The following FHOD3 variants were observed in gnomAD, a reference collection of about 807,000 sequenced individuals.
FHOD3 encodes FH1/FH2 domain-containing protein 3.
In FHOD3, 90 loss-of-function variants were observed where a neutral mutation model predicts 173.0. The ratio of observed to expected loss-of-function variants is 0.52; its 90% CI spans 0.44 to 0.62. The LOEUF (loss-of-function observed/expected upper bound fraction) is 0.62. FHOD3 is among the 20% of genes least tolerant of loss of function. FHOD3 has a pLI of 0.00. For missense variants in FHOD3, 1,945 were observed against 2,034.7 expected, an observed-to-expected ratio of 0.96 and a Z score of 0.85; for synonymous variants, 828 against 823.0, an observed-to-expected ratio of 1.01 and a Z score of -0.10.
At chr18:36,446,732 C>T (rs1429178008) in intron 3 of FHOD3, among the ~76,000 whole-genome samples, 1 of 152,144 alleles carries the variant, frequency 6.6e-6, no homozygotes, top group Non-Finnish European at 1.5e-5. Flanking sequence ...CTCACCCCCA[C>T]CTGCCCCCAG....
Position 36,767,793 on chromosome 18 carries a change from G to A in FHOD3, c.4625-1472G>A, listed in dbSNP as rs188667534. ...GAAATTATGACTACTTTATAGCACA[G>A]TGTGTATTTGCAGCAATATGTCAAC... is the stretch of plus-strand genomic sequence containing the variant. On this transcript the variant is annotated intron_variant, in intron 27 of 28. Transcript: ENST00000590592. Among the ~76,000 whole-genome samples, 137 of 152,212 alleles carry A rather than the reference G, an allele frequency of 9.0e-4. 2 individuals carry two copies. The highest frequency in any genetic ancestry group is 1.4e-3 in the Non-Finnish European group (98 of 68,008).
At chr18:36,616,232 C>T (rs576652701) in intron 9 of FHOD3, among the ~76,000 whole-genome samples, 2 of 152,330 alleles carry the variant, frequency 1.3e-5, no homozygotes, top group African/African-American at 2.4e-5. Flanking sequence ...CTCACCACCA[C>T]GATCGGAACT....
chr18:36,525,349 T>G (rs572558101), intron 5 of FHOD3, among the ~76,000 whole-genome samples: 1 of 152,120 alleles, frequency 6.6e-6, no homozygotes, highest in East Asian at 1.9e-4. Context: ...TGCAAGGAAA[T>G]GAATTCTGCC....
chr18:36,559,942 T>C (rs1004460002), intron 5 of FHOD3, among the ~76,000 whole-genome samples: 2 of 152,088 alleles, frequency 1.3e-5, no homozygotes, highest in Admixed American at 6.6e-5. Flanking sequence ...CAGGTATCCA[T>C]TGGGAAAGAC....
chr18:36,484,833 G>A (rs1013767610), intron 3 of FHOD3, among the ~76,000 whole-genome samples: 2 of 152,208 alleles, frequency 1.3e-5, no homozygotes, highest in African/African-American at 4.8e-5. Context: ...GCTCTGGTGT[G>A]TGTGGAGGAA....
At chr18:36,687,260 TTAAAA>T (rs1044738599) in intron 16 of FHOD3, 82 bp downstream of exon 16, 45 of 1,037,892 alleles carry the variant, frequency 4.3e-5, no homozygotes, top group Non-Finnish European at 6.3e-5. Context: ...AGACTGTCGA[TTAAAA>T]TATAACTGCT....
At chr18:36,557,893 A>T (rs1369491956) in intron 5 of FHOD3, among the ~76,000 whole-genome samples, 3 of 152,236 alleles carry the variant, frequency 2.0e-5, no homozygotes, top group Non-Finnish European at 4.4e-5. Context: ...TATTTTTAAG[A>T]TTCGTTAGGT....
chr18:36,483,522 T>G (rs2054039457), intron 3 of FHOD3, among the ~76,000 whole-genome samples: 1 of 152,242 alleles, frequency 6.6e-6, no homozygotes, highest in African/African-American at 2.4e-5. Flanking sequence ...AACGTGTATA[T>G]GTCAGAGGAG....
intron 3 of FHOD3, among the ~76,000 whole-genome samples, chr18:36,486,186 A>G (rs1033425258): frequency 2.0e-5 from 3 of 152,068 alleles, no homozygotes; most frequent in South Asian, 2.1e-4. Context: ...TCTCTCCTGG[A>G]TGGTTCTGTC....
intron 1 of FHOD3, among the ~76,000 whole-genome samples, chr18:36,310,013 A>C (rs955635991): frequency 1.3e-5 from 2 of 152,174 alleles, no homozygotes; most frequent in Admixed American, 6.5e-5. Context: ...AGGGTGAAAA[A>C]ATGAACTCAG....
chr18:36,400,644 G>A lies in FHOD3; in HGVS notation c.337+27900G>A, dbSNP rs957851552. On this transcript the variant is annotated intron_variant, in intron 3 of 28. Coordinates refer to ENST00000590592, the MANE Select transcript of FHOD3 (RefSeq NM_001281740.3). Reference sequence around the variant, plus strand: ...TGGGGCAGTGGCAGCTGTGGCCTGGGGAAGGGACCAAGAGGGTGGAGTTCT... The same window carrying A: ...TGGGGCAGTGGCAGCTGTGGCCTGGAGAAGGGACCAAGAGGGTGGAGTTCT... 2.6e-5 allele frequency among the ~76,000 whole-genome samples: 4 copies of A among 152,190 alleles called. No homozygotes were observed. In the South Asian group the frequency reaches 6.2e-4, roughly 24 times the overall value.
At chr18:36,686,990 T>A in intron 15 of FHOD3, 138 bp from the exon 16 acceptor site, 1 of 593,628 alleles carries the variant, frequency 1.7e-6, no homozygotes, top group Non-Finnish European at 2.9e-6. Flanking sequence ...CTTTTAAAAA[T>A]TCAGCTACAA....
At chr18:36,331,401 CAG>C (rs2045003610) in intron 1 of FHOD3, among the ~76,000 whole-genome samples, 2 of 152,160 alleles carry the variant, frequency 1.3e-5, no homozygotes, top group African/African-American at 2.4e-5. Context: ...ATAAACGTGG[CAG>C]AGTTTGCTGG....
intron 10 of FHOD3, among the ~76,000 whole-genome samples, chr18:36,640,333 G>A (rs371147832): frequency 2.2e-4 from 33 of 152,304 alleles, no homozygotes; most frequent in African/African-American, 7.0e-4. Flanking sequence ...ACTTTTAAGT[G>A]AAATCACTGA....
chr18:36,375,914 C>T (rs1007965493), intron 3 of FHOD3, among the ~76,000 whole-genome samples: 6 of 152,188 alleles, frequency 3.9e-5, no homozygotes, highest in Non-Finnish European at 5.9e-5. Flanking sequence ...GATATTGCAG[C>T]GAACGCTGCA....
intron 5 of FHOD3, among the ~76,000 whole-genome samples, chr18:36,525,350 G>A (rs1213261220): frequency 3.3e-5 from 5 of 152,094 alleles, no homozygotes; most frequent in African/African-American, 1.2e-4. Flanking sequence ...GCAAGGAAAT[G>A]AATTCTGCCA....
intron 3 of FHOD3, among the ~76,000 whole-genome samples, chr18:36,436,395 C>G (rs910899724): frequency 6.6e-6 from 1 of 152,234 alleles, no homozygotes; most frequent in East Asian, 1.9e-4. Context: ...ATGAATTAGA[C>G]AACCAGATTT....
intron 6 of FHOD3, among the ~76,000 whole-genome samples, chr18:36,584,605 C>A (rs1257669423): frequency 6.6e-6 from 1 of 152,004 alleles, no homozygotes; most frequent in Non-Finnish European, 1.5e-5. Flanking sequence ...AATAGAAATT[C>A]AATTAAGACT....
chr18:36,678,524 C>CAAAA (rs58064190), intron 14 of FHOD3, among the ~76,000 whole-genome samples: 31 of 71,122 alleles, frequency 4.4e-4, no homozygotes, highest in East Asian at 8.4e-4. Flanking sequence ...GACCCTGTCT[C>CAAAA]AAAAAAAAAA....
Sources: gnomAD v4.1 joint callset for allele counts (sites outside exome capture counted in the v4.1 genomes callset) on GRCh38, gnomAD v4.1.1 for gene constraint, MANE v1.5 for transcripts, NCBI Gene and HGNC (gene_info 2026-07-23, HGNC 2026-07-21) for gene names.